The following HIVEP3 variants were observed in gnomAD, a reference collection of about 807,000 sequenced individuals.
HIVEP3 encodes HIVEP zinc finger 3, also known as transcription factor HIVEP3.
HIVEP3 carries 49 observed loss-of-function variants against 152.8 expected under a neutral mutation model. The ratio of observed to expected loss-of-function variants is 0.32; its 90% CI spans 0.26 to 0.41. The LOEUF (loss-of-function observed/expected upper bound fraction) is 0.41. HIVEP3 is among the 10% of genes least tolerant of loss of function. The pLI is 1.00. For synonymous variants in HIVEP3, 1,269 were observed against 1,289.0 expected (o/e 0.98, Z 0.33); for missense variants, 2,790 against 3,103.3 (o/e 0.90, Z 2.40).
chr1:41,799,578 G>A (rs995106861), intron 1 of HIVEP3, among the ~76,000 whole-genome samples: 9 of 152,068 alleles, frequency 5.9e-5, no homozygotes, highest in South Asian at 4.1e-4. Context: ...CCTGTAAATC[G>A]TCTTGCTTCT....
intron 5 of HIVEP3, among the ~76,000 whole-genome samples, chr1:41,567,676 G>T (rs1644187437): frequency 6.6e-6 from 1 of 152,226 alleles, no homozygotes; most frequent in Non-Finnish European, 1.5e-5. Flanking sequence ...GAACACAAAG[G>T]GCTCTGCTCA....
chr1:42,007,030 G>A (rs1261933279), intron 1 of HIVEP3, among the ~76,000 whole-genome samples: 2 of 152,178 alleles, frequency 1.3e-5, no homozygotes, highest in African/African-American at 4.8e-5. Context: ...TGGACTATAT[G>A]TGTTTCCACG....
At chr1:41,715,780 A>C (rs150702566) in intron 1 of HIVEP3, among the ~76,000 whole-genome samples, 2,203 of 152,302 alleles carry the variant, frequency 0.014, 26 homozygotes, top group Non-Finnish European at 0.018. Context: ...AATAAACTGA[A>C]GTTTATCAAA....
chr1:41,526,107 G>C (rs1169145263), intron 5 of HIVEP3, among the ~76,000 whole-genome samples: 1 of 151,930 alleles, frequency 6.6e-6, no homozygotes, highest in Non-Finnish European at 1.5e-5. Flanking sequence ...GGGCGGGGGG[G>C]CTCCACCCTG....
intron 1 of HIVEP3, among the ~76,000 whole-genome samples, chr1:42,006,808 C>T (rs1314872211): frequency 6.6e-6 from 1 of 152,146 alleles, no homozygotes; most frequent in Admixed American, 6.5e-5. Context: ...CTCATGGATC[C>T]CTGAATGGGT....
In HIVEP3 at chr1:41,550,928, G is replaced by A. The variant is rs1392820899; in HGVS notation, c.5207+24616C>T. 7.2e-5 allele frequency among the ~76,000 whole-genome samples: 11 copies of A among 152,336 alleles called. No individual in the cohort carries two copies. The East Asian group carries it at 1.7e-3, about 24-fold the overall frequency. On this transcript the variant is annotated intron_variant, in intron 5 of 8. Transcript: ENST00000372583. ...CAACACTATGTTGAATAGGAGTGGTGAGAGAGGGCATCCCTGTCTTGTGCC... is the reference window on the plus strand; with the variant it reads ...CAACACTATGTTGAATAGGAGTGGTAAGAGAGGGCATCCCTGTCTTGTGCC...
At chr1:41,546,960 T>G (rs1643816946) in intron 5 of HIVEP3, among the ~76,000 whole-genome samples, 1 of 152,220 alleles carries the variant, frequency 6.6e-6, no homozygotes, top group African/African-American at 2.4e-5. Flanking sequence ...AGAACAGCAC[T>G]TGCTCACACT....
rs781723244 is a variant in HIVEP3 at position 41,524,798 on chromosome 1, G to A, written c.5320C>T (p.Arg1774Cys). 1.5e-5 allele frequency: 25 copies of A among 1,614,018 alleles called. No homozygotes were observed. Among genetic ancestry groups the A allele is most frequent in the South Asian group, 5.5e-5 (5 of 91,086 alleles). The change falls in exon 6 of 9, where the codon CGC becomes TGC. Residue 1774 changes from arginine (R) to cysteine (C), a missense_variant. Around this residue, in one of 9 missense-constraint regions of HIVEP3, gnomAD observed 57 missense variants for 95.1 expected, o/e 0.60. Coordinates refer to ENST00000372583, the MANE Select transcript of HIVEP3 (RefSeq NM_024503.5). The stretch of plus-strand genomic sequence containing the variant: ...TAGGGCCGGACGTCAGTGTGGGTGC[G>A]GATGTGTTTCTTCAGCATGCTGGGC... ...KKPSMLKKHI[R>C]THTDVRPYVC... is the part of the protein sequence containing the mutation.
intron 1 of HIVEP3, among the ~76,000 whole-genome samples, chr1:42,032,747 C>T (rs1393935938): frequency 6.6e-6 from 1 of 152,092 alleles, no homozygotes; most frequent in East Asian, 1.9e-4. Context: ...CTTCCAGGGT[C>T]CATTCCTTCC....
At chr1:42,012,640 A>C (rs1645499930) in intron 1 of HIVEP3, among the ~76,000 whole-genome samples, 1 of 152,170 alleles carries the variant, frequency 6.6e-6, no homozygotes. Flanking sequence ...CAGTGAGCCA[A>C]GATTGTGCCG....
At chr1:41,601,277 T>A (rs1644745005) in intron 3 of HIVEP3, among the ~76,000 whole-genome samples, 1 of 152,176 alleles carries the variant, frequency 6.6e-6, no homozygotes, top group African/African-American at 2.4e-5. Flanking sequence ...TTTTTTCTAT[T>A]TAGGCAAAGT....
At chr1:41,782,505 G>A (rs1386291200) in intron 1 of HIVEP3, among the ~76,000 whole-genome samples, 4 of 152,116 alleles carry the variant, frequency 2.6e-5, no homozygotes, top group Admixed American at 6.5e-5. Context: ...AAGCCAAGGC[G>A]GGTGGATCAC....
intron 3 of HIVEP3, among the ~76,000 whole-genome samples, chr1:41,601,852 C>T (rs920698664): frequency 6.6e-6 from 1 of 152,136 alleles, no homozygotes; most frequent in Non-Finnish European, 1.5e-5. Context: ...CGTTTTTCAC[C>T]ACTGAGTATA....
At chr1:41,963,511 C>T (rs1013180974) in intron 1 of HIVEP3, among the ~76,000 whole-genome samples, 1 of 145,628 alleles carries the variant, frequency 6.9e-6, no homozygotes, top group African/African-American at 2.6e-5. Flanking sequence ...CACCCTGGGG[C>T]CTGTTGTGGG....
intron 1 of HIVEP3, among the ~76,000 whole-genome samples, chr1:41,809,247 C>T (rs144335859): frequency 5.3e-5 from 8 of 152,312 alleles, no homozygotes; most frequent in African/African-American, 1.9e-4. Flanking sequence ...GGATGGTTAC[C>T]ATGTTAGGGT....
At chr1:41,794,499 G>T (rs1649874116) in intron 1 of HIVEP3, among the ~76,000 whole-genome samples, 1 of 152,114 alleles carries the variant, frequency 6.6e-6, no homozygotes. Flanking sequence ...CTTTTATACT[G>T]CCAAAATGCC....
At chr1:41,648,921 C>T (rs1482702776) in intron 2 of HIVEP3, among the ~76,000 whole-genome samples, 1 of 152,266 alleles carries the variant, frequency 6.6e-6, no homozygotes, top group African/African-American at 2.4e-5. Context: ...GGTCCTGGAT[C>T]CTGCTTTAAC....
chr1:41,588,062 C>T (rs143735784), intron 3 of HIVEP3, among the ~76,000 whole-genome samples: 1 of 152,298 alleles, frequency 6.6e-6, no homozygotes, highest in African/African-American at 2.4e-5. Context: ...GTCCTGGCAG[C>T]CTTACCCCAG....
intron 5 of HIVEP3, among the ~76,000 whole-genome samples, chr1:41,567,658 G>A (rs1007593009): frequency 6.6e-6 from 1 of 152,182 alleles, no homozygotes; most frequent in Non-Finnish European, 1.5e-5. Flanking sequence ...CCATTTTCTC[G>A]GCTTCTAGAA....
Sources: allele counts gnomAD v4.1 joint callset (sites outside exome capture counted in the v4.1 genomes callset), GRCh38; gene constraint gnomAD v4.1.1; regional missense constraint gnomAD v4.1.1; transcripts MANE v1.5; gene names NCBI Gene and HGNC (gene_info 2026-07-23, HGNC 2026-07-21).